The following MYCBP2 variants were observed in gnomAD, a reference collection of about 807,000 sequenced individuals.
MYCBP2 encodes E3 ubiquitin-protein ligase MYCBP2.
MYCBP2 carries 120 observed loss-of-function variants against 525.3 expected under a neutral mutation model. That is an observed-to-expected ratio of 0.23 (90% confidence interval 0.20 to 0.27). The LOEUF (loss-of-function observed/expected upper bound fraction) is 0.27. Ranked by LOEUF, MYCBP2 falls within the 10% of genes least tolerant of loss-of-function variation. The probability of loss-of-function intolerance (pLI) is 1.00; values close to 1 mark genes in which losing one functional copy is unlikely to be tolerated. For synonymous variants in MYCBP2, 1,894 were observed against 1,955.8 expected (o/e 0.97, Z 0.83); for missense variants, 4,149 against 5,657.1 (o/e 0.73, Z 8.55).
At chr13:77,046,698 A>G (rs1251312042) in intron 82 of MYCBP2, among the ~76,000 whole-genome samples, 2 of 152,230 alleles carry the variant, frequency 1.3e-5, no homozygotes, top group Non-Finnish European at 2.9e-5. Context: ...AACTGAAGAC[A>G]GCTAATCTCA....
At chr13:77,179,658 T>A (rs773480796) in intron 34 of MYCBP2, among the ~76,000 whole-genome samples, 10 of 152,184 alleles carry the variant, frequency 6.6e-5, no homozygotes, top group Non-Finnish European at 1.0e-4. Flanking sequence ...TCAAAAAACC[T>A]GTGATAGAGG....
intron 40 of MYCBP2, among the ~76,000 whole-genome samples, chr13:77,167,025 A>ACACACCCC (rs1555376500): frequency 1.1e-4 from 12 of 113,008 alleles, no homozygotes; most frequent in Non-Finnish European, 2.1e-4. Context: ...ACACACACAC[A>ACACACCCC]CCAAATGAAA....
At chr13:77,090,649 A>G (rs536830389) in intron 59 of MYCBP2, 1 of 153,302 alleles carries the variant, frequency 6.5e-6, no homozygotes, top group East Asian at 1.9e-4. Context: ...TGAAAACCTA[A>G]TAAAACAGGA....
chr13:77,315,816 T>C (rs1176622673), intron 1 of MYCBP2, among the ~76,000 whole-genome samples: 1 of 144,034 alleles, frequency 6.9e-6, no homozygotes, highest in African/African-American at 2.6e-5. Flanking sequence ...ACTTGCTGGA[T>C]CCCGGGAGGC....
intron 51 of MYCBP2, among the ~76,000 whole-genome samples, 173 bp from the exon 52 acceptor site, chr13:77,139,509 G>C (rs1468718367): frequency 6.6e-6 from 1 of 152,128 alleles, no homozygotes; most frequent in African/African-American, 2.4e-5. Context: ...GCAGCAAAGA[G>C]TGCCAACACA....
chr13:77,114,989 C>A (rs1566583357), intron 55 of MYCBP2, among the ~76,000 whole-genome samples: 4 of 151,880 alleles, frequency 2.6e-5, no homozygotes, highest in Admixed American at 2.6e-4. Context: ...TCAGTATAAA[C>A]CCACAATTAT....
At chr13:77,062,756 G>T in intron 73 of MYCBP2, 59 bp from the exon 74 acceptor site, 1 of 1,320,560 alleles carries the variant, frequency 7.6e-7, no homozygotes, top group African/African-American at 1.4e-5. Context: ...ATGAAATGCT[G>T]ACTGTGACAC....
rs545968008 is a variant in MYCBP2 at position 77,210,319 on chromosome 13, A to G, written c.3416+848T>C. The stretch of plus-strand genomic sequence containing the variant: ...GCCATTCTCCTGCCTCAGCCTCCCG[A>G]GTAGCTGGGATTACAGGTGCCCGCC... On this transcript the variant is annotated intron_variant, in intron 23 of 82. Transcript: ENST00000544440. 4.6e-5 allele frequency among the ~76,000 whole-genome samples: 7 copies of G among 151,296 alleles called. No homozygotes were observed. In the South Asian group the frequency reaches 1.5e-3, roughly 32 times the overall value.
intron 30 of MYCBP2, among the ~76,000 whole-genome samples, chr13:77,188,074 A>AC (rs2060915886): frequency 8.1e-6 from 1 of 123,150 alleles, no homozygotes; most frequent in African/African-American, 3.0e-5. Context: ...CTGCCTCACC[A>AC]AAAAAAAAAA....
At chr13:77,102,941 T>G (rs1011676883) in intron 55 of MYCBP2, among the ~76,000 whole-genome samples, 1 of 152,038 alleles carries the variant, frequency 6.6e-6, no homozygotes, top group African/African-American at 2.4e-5. Flanking sequence ...ATTTTAATTT[T>G]AATGATCTCA....
intron 1 of MYCBP2, among the ~76,000 whole-genome samples, chr13:77,304,567 G>A (rs2079170165): frequency 6.6e-6 from 1 of 152,104 alleles, no homozygotes; most frequent in Admixed American, 6.6e-5. Context: ...AAACAACAAT[G>A]TATTATACAA....
intron 20 of MYCBP2, 68 bp from the exon 21 acceptor site, chr13:77,218,025 A>T: frequency 9.4e-7 from 1 of 1,062,508 alleles, no homozygotes; most frequent in Non-Finnish European, 1.4e-6. Flanking sequence ...ACAATAAGTA[A>T]GCAATGCAAC....
At chr13:77,150,139 G>A (rs1195847037) in intron 47 of MYCBP2, among the ~76,000 whole-genome samples, 3 of 152,208 alleles carry the variant, frequency 2.0e-5, no homozygotes, top group East Asian at 1.9e-4. Flanking sequence ...TTTTTTAAAT[G>A]TCTAAAGGTA....
chr13:77,217,981 A>G, intron 20 of MYCBP2, 24 bp from the exon 21 acceptor site: 1 of 1,482,562 alleles, frequency 6.7e-7, no homozygotes, highest in Non-Finnish European at 9.2e-7. Flanking sequence ...AAAAAAAGTA[A>G]GTCAATTTCT....
intron 46 of MYCBP2, among the ~76,000 whole-genome samples, chr13:77,152,451 G>T (rs1594941218): frequency 6.6e-6 from 1 of 152,150 alleles, no homozygotes; most frequent in Non-Finnish European, 1.5e-5. Flanking sequence ...CCTGGCAAAG[G>T]CCCCACTCTC....
chr13:77,233,119 A>C (rs142637287), intron 18 of MYCBP2, 37 bp downstream of exon 18: 1 of 1,558,048 alleles, frequency 6.4e-7, no homozygotes, highest in African/African-American at 1.4e-5. Context: ...AGAAATTGGG[A>C]AAGTATCCCA....
At chr13:77,146,238 T>C in intron 47 of MYCBP2, 21 bp from the exon 48 acceptor site, 1 of 1,524,338 alleles carries the variant, frequency 6.6e-7, no homozygotes, top group Non-Finnish European at 8.9e-7. Context: ...GAGACCAGTC[T>C]GAACAATCGT....
chr13:77,207,406 C>G (rs1034794135), intron 23 of MYCBP2, among the ~76,000 whole-genome samples: 2 of 152,116 alleles, frequency 1.3e-5, no homozygotes, highest in Non-Finnish European at 2.9e-5. Context: ...GTAACAAAAA[C>G]TTCAAAAAAC....
At chr13:77,226,145 C>G (rs971157827) in intron 18 of MYCBP2, among the ~76,000 whole-genome samples, 1 of 152,120 alleles carries the variant, frequency 6.6e-6, no homozygotes, top group Non-Finnish European at 1.5e-5. Context: ...CCTGTGCCAC[C>G]ATCACCTTCA....
Sources: allele counts gnomAD v4.1 joint callset (sites outside exome capture counted in the v4.1 genomes callset), GRCh38; gene constraint gnomAD v4.1.1; transcripts MANE v1.5; gene names NCBI Gene and HGNC (gene_info 2026-07-23, HGNC 2026-07-21).